PRH1: variants seen among roughly 807,000 people sequenced by gnomAD.
The protein encoded by PRH1 is salivary acidic proline-rich phosphoprotein 1/2.
In PRH1, 7 loss-of-function variants were observed where a neutral mutation model predicts 7.9. That is an observed-to-expected ratio of 0.89 (90% CI 0.50 to 1.67). PRH1 has a LOEUF of 1.67. Among genes scored for constraint, PRH1 ranks in the 40% most tolerant of loss-of-function variants. The probability of loss-of-function intolerance (pLI) is 0.00; values close to 1 mark genes in which losing one functional copy is unlikely to be tolerated. For synonymous variants in PRH1, 45 were observed against 80.8 expected (o/e 0.56, Z 2.38); for missense variants, 109 against 223.6 (o/e 0.49, Z 3.27).
At chr12:10,997,656 T>G (rs1047173607) in intron 1 of PRH1, 1 of 1,613,472 alleles carries the variant, frequency 6.2e-7, no homozygotes, top group African/African-American at 1.3e-5. Context: ...TTAGATGAAG[T>G]TGGATTCAAC....
At chr12:11,001,599 C>A (rs1565538938) in intron 1 of PRH1, among the ~76,000 whole-genome samples, 1 of 152,040 alleles carries the variant, frequency 6.6e-6, no homozygotes. Context: ...TGGGAGAACC[C>A]AGAGTTGCTT....
chr12:11,053,672 A>T (rs1226942128), intron 1 of PRH1, among the ~76,000 whole-genome samples: 1 of 152,286 alleles, frequency 6.6e-6, no homozygotes, highest in Non-Finnish European at 1.5e-5. Flanking sequence ...AATAAGACAG[A>T]TGTAAATGTA....
intron 2 of PRH1, among the ~76,000 whole-genome samples, chr12:10,904,594 A>G (rs535396722): frequency 6.6e-6 from 1 of 152,284 alleles, no homozygotes; most frequent in South Asian, 2.1e-4. Flanking sequence ...AACTTAGGAA[A>G]CACCATTCTA....
At chr12:11,052,014 T>C (rs965094455), upstream of PRH1, among the ~76,000 whole-genome samples, 3 of 152,274 alleles carry the variant, frequency 2.0e-5, no homozygotes, top group African/African-American at 7.2e-5. Context: ...ACAGGGTCCT[T>C]GATTATGACA....
At chr12:11,010,398 A>G (rs1463049198) in intron 1 of PRH1, among the ~76,000 whole-genome samples, 1 of 151,938 alleles carries the variant, frequency 6.6e-6, no homozygotes, top group Non-Finnish European at 1.5e-5. Flanking sequence ...GGGCAATGGG[A>G]GAACACTATT....
Position 10,960,708 on chromosome 12 carries a change from G to T in PRH1, c.-59+12947C>A, listed in dbSNP as rs959249275. 2.0e-5 allele frequency among the ~76,000 whole-genome samples: 3 copies of T among 152,266 alleles called. No homozygotes were observed. The East Asian group carries it at 5.8e-4, about 29-fold the overall frequency. On this transcript the variant is annotated intron_variant, in intron 2 of 3. Transcript: ENST00000539853. ...AATTGGTATTCATAAGCAGGAAGTG[G>T]CAAGTTCCTTAAATATAGTAAAATA...
At chr12:10,990,284 G>C (rs563647143) in intron 1 of PRH1, among the ~76,000 whole-genome samples, 5 of 152,280 alleles carry the variant, frequency 3.3e-5, no homozygotes, top group East Asian at 1.9e-4. Context: ...AATGAAACTA[G>C]ATGCCTATTT....
At chr12:11,115,766 T>C (rs900659372) in intron 1 of PRH1, among the ~76,000 whole-genome samples, 1 of 151,738 alleles carries the variant, frequency 6.6e-6, no homozygotes, top group Non-Finnish European at 1.5e-5. Context: ...TACAGACACA[T>C]GGAAATGAAA....
At chr12:10,983,715 G>A (rs1939471717) in intron 1 of PRH1, among the ~76,000 whole-genome samples, 2 of 152,186 alleles carry the variant, frequency 1.3e-5, no homozygotes, top group South Asian at 4.1e-4. Flanking sequence ...AGCCCTTCTG[G>A]AAAAGTACTG....
intron 1 of PRH1, among the ~76,000 whole-genome samples, chr12:11,023,773 G>A (rs78505428): frequency 5.5e-5 from 7 of 128,126 alleles, no homozygotes; most frequent in African/African-American, 1.1e-4. Flanking sequence ...CCAAACTAGC[G>A]GCAAGATGCA....
At chr12:10,970,750 A>G (rs1014198769) in intron 2 of PRH1, among the ~76,000 whole-genome samples, 8 of 152,020 alleles carry the variant, frequency 5.3e-5, no homozygotes, top group Admixed American at 1.3e-4. Flanking sequence ...ATTTTCTAGT[A>G]GATACGGGCT....
rs1391868004 is a variant in PRH1, at chr12:10,910,053, C to A, written c.-58-25778G>T. Among the ~76,000 whole-genome samples the A allele has an allele frequency of 3.3e-5, 5 of 152,232 alleles. No individual in the cohort carries two copies. In the South Asian group the frequency reaches 8.3e-4, roughly 25 times the overall value. On this transcript the variant is annotated intron_variant, in intron 2 of 3. Transcript: ENST00000539853. ...AAAAAAACAAATTTTACAAAATCAG[C>A]AACAGCTACCAAAGAAAGCAGTACT...
intron 1 of PRH1, 111 bp downstream of exon 1, chr12:10,884,043 G>T (rs1591645197): frequency 3.1e-6 from 4 of 1,283,960 alleles, no homozygotes; most frequent in East Asian, 4.8e-5. Flanking sequence ...TGAGAACTCT[G>T]CAGTCCCATC....
At chr12:11,147,857 A>G (rs1383482862) in intron 1 of PRH1, among the ~76,000 whole-genome samples, 2 of 152,020 alleles carry the variant, frequency 1.3e-5, no homozygotes, top group Admixed American at 6.6e-5. Context: ...GATGGCATTG[A>G]ATCTATAAAT....
At chr12:11,036,039 G>A (rs1472228193) in intron 1 of PRH1, among the ~76,000 whole-genome samples, 1 of 152,064 alleles carries the variant, frequency 6.6e-6, no homozygotes, top group Non-Finnish European at 1.5e-5. Flanking sequence ...GACTACAGGA[G>A]CCTGCCACAA....
chr12:11,140,524 C>T (rs879449284), intron 1 of PRH1, among the ~76,000 whole-genome samples: 1 of 152,008 alleles, frequency 6.6e-6, no homozygotes, highest in Non-Finnish European at 1.5e-5. Context: ...CTGTGACCAA[C>T]GTCAAAGAGG....
At chr12:10,990,484 C>A (rs1357610685) in intron 1 of PRH1, among the ~76,000 whole-genome samples, 1 of 152,102 alleles carries the variant, frequency 6.6e-6, no homozygotes, top group Non-Finnish European at 1.5e-5. Flanking sequence ...CATGGGATAG[C>A]CAGGCATTTT....
chr12:10,989,043 G>A (rs748038281), intron 1 of PRH1, among the ~76,000 whole-genome samples: 1 of 152,100 alleles, frequency 6.6e-6, no homozygotes, highest in Non-Finnish European at 1.5e-5. Flanking sequence ...CCTGACCTCA[G>A]GTGATCCACC....
chr12:11,098,968 T>C (rs1304102608), intron 1 of PRH1, among the ~76,000 whole-genome samples: 1 of 152,182 alleles, frequency 6.6e-6, no homozygotes, highest in Non-Finnish European at 1.5e-5. Flanking sequence ...CCAAGAATAA[T>C]ATTTATTTAT....
Sources: gnomAD v4.1 joint callset for allele counts (sites outside exome capture counted in the v4.1 genomes callset) on GRCh38, gnomAD v4.1.1 for gene constraint, MANE v1.5 for transcripts, NCBI Gene and HGNC (gene_info 2026-07-23, HGNC 2026-07-21) for gene names.